RYR3: variants seen among roughly 807,000 people sequenced by gnomAD.
RYR3 encodes the protein ryanodine receptor 3, also known as brain ryanodine receptor-calcium release channel.
RYR3 carries 207 observed loss-of-function variants against 584.3 expected under a neutral mutation model. That is an observed-to-expected ratio of 0.35 (90% CI 0.32 to 0.40). The LOEUF (loss-of-function observed/expected upper bound fraction) is 0.40. RYR3 is among the 10% of genes least tolerant of loss of function. The probability of loss-of-function intolerance (pLI) is 1.00; values close to 1 mark genes in which losing one functional copy is unlikely to be tolerated. For missense variants in RYR3, 5,616 were observed against 6,089.2 expected (o/e 0.92, Z 2.59); for synonymous variants, 2,416 against 2,248.5 (o/e 1.07, Z -2.11).
At chr15:33,806,209 T>C (rs1300191601) in intron 69 of RYR3, among the ~76,000 whole-genome samples, 2 of 152,130 alleles carry the variant, frequency 1.3e-5, no homozygotes, top group Admixed American at 1.3e-4. Flanking sequence ...GTCCTCAAAG[T>C]CACTCACCCC....
intron 1 of RYR3, among the ~76,000 whole-genome samples, chr15:33,445,513 C>T (rs2046561989): frequency 6.6e-6 from 1 of 151,846 alleles, no homozygotes; most frequent in African/African-American, 2.4e-5. Context: ...GGGAATGTAG[C>T]AGAGACATGG....
intron 76 of RYR3, 81 bp from the exon 77 acceptor site, chr15:33,819,675 A>AAAATAAATAAATAAATAAAT (rs10631080): frequency 3.2e-6 from 2 of 625,848 alleles, no homozygotes; most frequent in South Asian, 4.2e-5. Flanking sequence ...CTCTGTCTCA[A>AAAATAAATAAATAAATAAAT]AAATAAATAA....
chr15:33,365,547 C>CA (rs1372025838), intron 1 of RYR3, among the ~76,000 whole-genome samples: 10 of 152,080 alleles, frequency 6.6e-5, no homozygotes, highest in Admixed American at 5.2e-4. Flanking sequence ...AGAAAAAACT[C>CA]AAAAAAGCCA....
At chr15:33,832,656 CAA>C (rs34289866) in intron 86 of RYR3, among the ~76,000 whole-genome samples, 106 of 112,188 alleles carry the variant, frequency 9.4e-4, no homozygotes, top group African/African-American at 2.3e-3. Context: ...GACTCTGTCT[CAA>C]AAAAAAAAAA....
intron 35 of RYR3, 55 bp downstream of exon 35, chr15:33,663,003 A>G (rs1468271710): frequency 5.4e-6 from 8 of 1,478,124 alleles, no homozygotes; most frequent in Non-Finnish European, 6.5e-6. Flanking sequence ...GCTTTGATCA[A>G]AATATCAGGA....
At chr15:33,745,136 C>G (rs1431019195) in intron 52 of RYR3, among the ~76,000 whole-genome samples, 2 of 152,040 alleles carry the variant, frequency 1.3e-5, no homozygotes, top group African/African-American at 4.8e-5. Flanking sequence ...GCAGTGGTGT[C>G]AAGGAGGACT....
chr15:33,494,102 AT>A (rs5811763), intron 2 of RYR3, among the ~76,000 whole-genome samples: 97,660 of 150,372 alleles, frequency 0.65, 32,164 homozygotes, highest in African/African-American at 0.78. Context: ...GATTGTGGCT[AT>A]TTTTTTTTTT....
rs571870589 is a variant in RYR3, at chr15:33,672,512, T to C, written c.5860+1956T>C. 3.9e-5 allele frequency among the ~76,000 whole-genome samples: 6 copies of C among 152,314 alleles called. No homozygotes were observed. In the South Asian group the frequency reaches 6.2e-4, roughly 16 times the overall value. On this transcript the variant is annotated intron_variant, in intron 38 of 103. Coordinates refer to ENST00000634891, the MANE Select transcript of RYR3 (RefSeq NM_001036.6). The stretch of plus-strand genomic sequence containing the variant: ...AAATGGTTGAGGTGATCAGGCATGT[T>C]TGGCTTCTCTGCTGAATGTTCCAGA...
intron 43 of RYR3, among the ~76,000 whole-genome samples, chr15:33,719,432 A>G (rs1399219329): frequency 1.3e-5 from 2 of 152,248 alleles, no homozygotes; most frequent in Non-Finnish European, 2.9e-5. Flanking sequence ...TGAATTCAAC[A>G]TGCTGGTAAA....
intron 1 of RYR3, among the ~76,000 whole-genome samples, chr15:33,470,463 CA>C (rs35065336): frequency 0.16 from 22,434 of 141,894 alleles, 3,394 homozygotes; most frequent in African/African-American, 0.4. Context: ...TTTTCTCTAT[CA>C]AAAAAAAAAA....
At chr15:33,491,479 A>G (rs530030237) in intron 2 of RYR3, among the ~76,000 whole-genome samples, 2 of 152,336 alleles carry the variant, frequency 1.3e-5, no homozygotes, top group South Asian at 2.1e-4. Context: ...CGCTGTGAGC[A>G]AGGACTTTGC....
At chr15:33,848,076 A>G (rs1465162488) in intron 93 of RYR3, among the ~76,000 whole-genome samples, 1 of 152,192 alleles carries the variant, frequency 6.6e-6, no homozygotes, top group South Asian at 2.1e-4. Context: ...TGAAAACTTA[A>G]AGGGTGACCC....
chr15:33,834,726 G>A (rs1202155660), intron 86 of RYR3, among the ~76,000 whole-genome samples: 3 of 152,098 alleles, frequency 2.0e-5, no homozygotes, highest in African/African-American at 7.2e-5. Flanking sequence ...CTCATTCTGA[G>A]GCTAAAAGAA....
intron 38 of RYR3, among the ~76,000 whole-genome samples, chr15:33,695,946 G>C (rs2065822049): frequency 1.8e-5 from 2 of 111,718 alleles, no homozygotes; most frequent in South Asian, 6.8e-4. Flanking sequence ...ACCACACCCA[G>C]CTTTTTTTTT....
intron 19 of RYR3, among the ~76,000 whole-genome samples, 200 bp downstream of exon 19, chr15:33,613,575 T>C (rs2152568448): frequency 6.6e-6 from 1 of 152,364 alleles, no homozygotes; most frequent in Non-Finnish European, 1.5e-5. Flanking sequence ...AGGGGTTGTA[T>C]TATGTACTCA....
intron 2 of RYR3, among the ~76,000 whole-genome samples, chr15:33,482,966 T>G (rs1225131416): frequency 6.6e-6 from 1 of 152,220 alleles, no homozygotes; most frequent in Non-Finnish European, 1.5e-5. Flanking sequence ...CATTTTTTCT[T>G]CAACTATTTT....
chr15:33,718,988 C>T (rs2067701501), intron 43 of RYR3, among the ~76,000 whole-genome samples: 1 of 152,198 alleles, frequency 6.6e-6, no homozygotes, highest in South Asian at 2.1e-4. Flanking sequence ...AGGTCAATAT[C>T]TAGCTTTACC....
chr15:33,536,632 G>A (rs1485237594), intron 5 of RYR3, among the ~76,000 whole-genome samples: 1 of 152,068 alleles, frequency 6.6e-6, no homozygotes, highest in African/African-American at 2.4e-5. Context: ...GACACCCTTC[G>A]GTGGTCTCAG....
intron 28 of RYR3, among the ~76,000 whole-genome samples, chr15:33,645,524 G>A (rs2339294): frequency 0.93 from 140,850 of 152,204 alleles, 65,258 homozygotes; most frequent in Middle Eastern, 0.96. Context: ...CTCCCTAACC[G>A]TTACTTTAGA....
Sources: gnomAD v4.1 joint callset for allele counts (sites outside exome capture counted in the v4.1 genomes callset) on GRCh38, gnomAD v4.1.1 for gene constraint, MANE v1.5 for transcripts, NCBI Gene and HGNC (gene_info 2026-07-23, HGNC 2026-07-21) for gene names.